The following TMC6 variants were observed in gnomAD, a reference collection of about 807,000 sequenced individuals.
TMC6 encodes transmembrane channel like 6, also known as transmembrane channel-like protein 6.
A neutral mutation model predicts 95.4 loss-of-function variants in TMC6; 71 were observed. That is an observed-to-expected ratio of 0.74 (90% CI 0.61 to 0.91). TMC6 has a LOEUF of 0.91. TMC6 is among the 40% of genes least tolerant of loss of function. TMC6 has a pLI of 0.00. For missense variants in TMC6, 1,074 were observed against 1,079.1 expected, an observed-to-expected ratio of 1.00 and a Z score of 0.07; for synonymous variants, 514 against 483.1, an observed-to-expected ratio of 1.06 and a Z score of -0.84.
chr17:78,132,026 C>CG (rs1363230504), upstream of TMC6: 6 of 1,533,832 alleles, frequency 3.9e-6, no homozygotes, highest in African/African-American at 8.2e-5. Context: ...TCTACGAGAT[C>CG]GGGGGTAGGA....
intron 1 of TMC6, 185 bp from the exon 2 acceptor site, chr17:78,127,091 G>C: frequency 1.7e-6 from 1 of 594,982 alleles, no homozygotes; most frequent in African/African-American, 1.9e-5. Flanking sequence ...ATGGAATGGG[G>C]GGCCCCCTCC....
At chr17:78,124,201 G>T in intron 8 of TMC6, 22 bp from the exon 9 acceptor site, 1 of 1,610,516 alleles carries the variant, frequency 6.2e-7, no homozygotes, top group South Asian at 1.1e-5. Context: ...AGATCCAGCC[G>T]AGTCAGGGAC....
chr17:78,132,117 C>T (rs1329156919), upstream of TMC6: 3 of 1,522,644 alleles, frequency 2.0e-6, no homozygotes, highest in African/African-American at 1.4e-5. Context: ...ATCATCCCAC[C>T]TGCCTTCACC....
At chr17:78,132,287 C>A (rs1425332530), upstream of TMC6, 12 of 1,575,326 alleles carry the variant, frequency 7.6e-6, no homozygotes, top group Non-Finnish European at 8.7e-6. Context: ...CCGGTGGGCC[C>A]GCCCTTGGAC....
In TMC6 at chr17:78,124,653, G is replaced by T; in HGVS notation, c.762C>A (p.Thr254=). ...GCAGGAGGGCATTGAAAGCCAGCAGGGTCTTGAGAAAGAGGAAGTAGGAGA... is the reference window on the plus strand; with the variant it reads ...GCAGGAGGGCATTGAAAGCCAGCAGTGTCTTGAGAAAGAGGAAGTAGGAGA... The part of the protein sequence containing the change: ...SVLSYFLFLK[T]LLAFNALLLL... The change falls in exon 8 of 20, where the codon ACC becomes ACA. Residue 254 remains threonine, a synonymous_variant. Coordinates refer to ENST00000590602, the MANE Select transcript of TMC6 (RefSeq NM_001127198.5). 1 of 1,611,698 alleles carries T rather than the reference G, an allele frequency of 6.2e-7. No homozygotes were observed.
At chr17:78,125,078 T>A in intron 6 of TMC6, 80 bp downstream of exon 6, 1 of 1,540,696 alleles carries the variant, frequency 6.5e-7, no homozygotes, top group Non-Finnish European at 8.7e-7. Context: ...CAGCCCCTTC[T>A]CCCCCACCAC....
Position 78,112,376 on chromosome 17 carries a change from C to T in TMC6, c.*772G>A, listed in dbSNP as rs2144819160. The T allele has an allele frequency of 1.0e-5, 2 of 191,516 alleles. No homozygotes were observed. Among genetic ancestry groups the T allele is most frequent in the Admixed American group, 1.2e-4 (2 of 16,790 alleles). 11.9% of individuals were successfully genotyped at this position (191,516 alleles called of 1,614,324 possible). On this transcript the variant is annotated 3_prime_UTR_variant, in exon 20 of 20. Transcript: ENST00000590602. The stretch of plus-strand genomic sequence containing the variant: ...GGTCCCCGAATCCCTGTGCCCACCC[C>T]CCACAGCCTACGGTTTTCGGTATCC...
At chr17:78,126,177 C>T in intron 4 of TMC6, 100 bp downstream of exon 4, 3 of 1,466,902 alleles carry the variant, frequency 2.0e-6, no homozygotes, top group Non-Finnish European at 2.8e-6. Context: ...CGGGAGCAGC[C>T]ACTACCCAGG....
upstream of TMC6, chr17:78,131,753 G>C (rs1203713014): frequency 2.5e-6 from 4 of 1,573,804 alleles, no homozygotes; most frequent in Non-Finnish European, 2.6e-6. Context: ...TGCCACGCGG[G>C]CGCCAGACGG....
Position 78,113,162 on chromosome 17 carries a change from C to T in TMC6, c.2404G>A (p.Glu802Lys), listed in dbSNP as rs1211079973. The change falls in exon 20 of 20, where the codon GAA becomes AAA. Residue 802 changes from glutamate to lysine, a missense_variant. Coordinates refer to ENST00000590602, the MANE Select transcript of TMC6 (RefSeq NM_001127198.5). ...AAAPPALLTD[E>K]QDA ...TCGCCGTCCCCCTAGGCATCCTGTT[C>T]ATCTGTGAGCAGGGCAGGGGGTGCC... 1 of 1,556,482 alleles carries T rather than the reference C, an allele frequency of 6.4e-7. No homozygotes were observed. Among genetic ancestry groups the T allele is most frequent in the Non-Finnish European group, 8.7e-7 (1 of 1,149,438 alleles).
At chr17:78,114,850 G>A (rs1001402285) in intron 18 of TMC6, among the ~76,000 whole-genome samples, 1 of 152,252 alleles carries the variant, frequency 6.6e-6, no homozygotes, top group South Asian at 2.1e-4. Flanking sequence ...GTCAGAGCTC[G>A]GCCTTGGGTA....
At chr17:78,115,325 C>T (rs925449058) in intron 18 of TMC6, among the ~76,000 whole-genome samples, 11 of 152,188 alleles carry the variant, frequency 7.2e-5, no homozygotes, top group African/African-American at 2.7e-4. Flanking sequence ...CCACAAGCGC[C>T]CCCCTAGCCC....
Position 78,109,368 on chromosome 17 carries a change from A to AG in TMC6, c.*3779dup. The AG allele has an allele frequency of 2.3e-6, 1 of 443,000 alleles. No individual in the cohort carries two copies. The highest frequency in any genetic ancestry group is 1.6e-5 in the South Asian group (1 of 63,682). 27.4% of individuals were successfully genotyped at this position (443,000 alleles called of 1,614,324 possible). A position where few individuals can be genotyped will look rare whatever the true frequency, so the allele number is the denominator to read the frequency against. On this transcript the variant is annotated 3_prime_UTR_variant, in exon 20 of 20. Transcript: ENST00000590602. ...ACGGATGGACCAAGAAAACCTACGCAGGATCCACGTGGAAACAAAGCTGCT... is the reference window on the plus strand; with the variant it reads ...ACGGATGGACCAAGAAAACCTACGCAGGGATCCACGTGGAAACAAAGCTGCT...
intron 3 of TMC6, 67 bp from the exon 4 acceptor site, chr17:78,126,433 T>A (rs2074722381): frequency 6.2e-7 from 1 of 1,606,414 alleles, no homozygotes; most frequent in African/African-American, 1.3e-5. Context: ...TCCCACCCCA[T>A]CCCAGGCCTG....
In TMC6 at chr17:78,122,177, G is replaced by A. The variant is rs771019751; in HGVS notation, c.1227+428C>T. On this transcript the variant is annotated intron_variant, in intron 10 of 19. Transcript: ENST00000590602. This position sits in a 1 kb window ranked among gnomAD's most constrained non-coding sequence, Gnocchi z 4.9. Reference sequence around the variant, plus strand: ...CGAGGCCCGGCTCTGCAGCCTCCTGGCCCCGCAACCTCTACGAGGGCCTCG... The same window carrying A: ...CGAGGCCCGGCTCTGCAGCCTCCTGACCCCGCAACCTCTACGAGGGCCTCG... Among the ~76,000 whole-genome samples the A allele has an allele frequency of 1.2e-4, 19 of 152,134 alleles. No individual in the cohort carries two copies. The highest frequency in any genetic ancestry group is 3.9e-4 in the Admixed American group (6 of 15,276).
chr17:78,124,748 C>T lies in TMC6; in HGVS notation c.667G>A (p.Ala223Thr), dbSNP rs772282970. 20 of 1,584,244 alleles carry T rather than the reference C, an allele frequency of 1.3e-5. No individual in the cohort carries two copies. Among genetic ancestry groups the T allele is most frequent in the Admixed American group, 3.6e-5 (2 of 54,924 alleles). Residue 223 changes from alanine to threonine, a missense_variant, in exon 8 of 20, where the codon GCC becomes ACC. Physicochemically the swap from Ala to Thr is moderately conservative, Grantham distance 58. Transcript: ENST00000590602. ...CGCCACGGCATCAGGGCCTGCAGGG[C>T]GGAGAGCAGCGCCAGGCCCAGGCTG... ...LHSLGLALLS[A>T]LQALMPWRYA...
intron 18 of TMC6, among the ~76,000 whole-genome samples, chr17:78,115,166 T>C (rs1048684108): frequency 6.6e-6 from 1 of 152,096 alleles, no homozygotes; most frequent in Non-Finnish European, 1.5e-5. Flanking sequence ...GTGGGAGCCG[T>C]CCCATGAGTG....
upstream of TMC6, chr17:78,131,823 T>G: frequency 6.7e-7 from 1 of 1,499,338 alleles, no homozygotes; most frequent in Non-Finnish European, 8.9e-7. Flanking sequence ...CCCCGTCTGC[T>G]TGGCCCGGGT....
Position 78,122,843 on chromosome 17 carries a change from C to T in TMC6, c.1083-94G>A, listed in dbSNP as rs1598858619. ...ACCGGATGCTCTGGGCAGCCAGACC[C>T]CACCACCCACTCAGGAGCCATCTGG... On this transcript the variant is annotated intron_variant, in intron 9 of 19. Coordinates refer to ENST00000590602, the MANE Select transcript of TMC6 (RefSeq NM_001127198.5). The surrounding 1 kb of genome is among the most constrained non-coding windows in gnomAD (Gnocchi z 4.9). The T allele has an allele frequency of 1.4e-5, 21 of 1,531,432 alleles. No homozygotes were observed. In the East Asian group the frequency reaches 4.4e-4, roughly 32 times the overall value. The allele number at this position is 1,531,432 out of a possible 1,614,324, so 94.9% of individuals were successfully genotyped here.
Sources: allele counts gnomAD v4.1 joint callset (sites outside exome capture counted in the v4.1 genomes callset), GRCh38; gene constraint gnomAD v4.1.1; non-coding constraint Gnocchi (gnomAD v3.1); transcripts MANE v1.5; gene names NCBI Gene and HGNC (gene_info 2026-07-23, HGNC 2026-07-21).